TENM2: variants seen among roughly 807,000 people sequenced by gnomAD.
The protein encoded by TENM2 is teneurin transmembrane protein 2.
Under a neutral mutation model 245.2 loss-of-function variants are expected in TENM2, and 52 were observed. The observed-to-expected ratio is 0.21, with a 90% confidence interval of 0.17 to 0.27. TENM2 has a LOEUF of 0.27. Among genes scored for constraint, TENM2 ranks in the 10% least tolerant of loss-of-function variants. The pLI, the probability that TENM2 is intolerant of heterozygous loss-of-function variation, is 1.00. For synonymous variants in TENM2, 1,363 were observed against 1,438.9 expected, an observed-to-expected ratio of 0.95 and a Z score of 1.19; for missense variants, 3,046 against 3,666.8, an observed-to-expected ratio of 0.83 and a Z score of 4.37.
At chr5:167,085,570 C>T in the TENM2 span, among the ~76,000 whole-genome samples, 273 of 152,176 alleles carry the variant, frequency 1.8e-3, no homozygotes, top group African/African-American at 5.8e-3. Flanking sequence ...ATAGATGTTA[C>T]GGCTATTCCC....
At chr5:167,950,819 C>A (rs1780032127) in intron 3 of TENM2, among the ~76,000 whole-genome samples, 1 of 152,244 alleles carries the variant, frequency 6.6e-6, no homozygotes, top group Admixed American at 6.5e-5. Context: ...CCTGCTACAG[C>A]TATGAAACTC....
Position 167,849,342 on chromosome 5 carries a change from G to C in TENM2, c.503-26644G>C, listed in dbSNP as rs1246547961. ...ACTACCAGAGACAGGAAAAAAAATT[G>C]TTTTTCCCCACTCTCACACTTCTGA... On this transcript the variant is annotated intron_variant, in intron 2 of 28. Transcript: ENST00000518659. Among the ~76,000 whole-genome samples the C allele has an allele frequency of 3.3e-5, 5 of 152,106 alleles. No homozygotes were observed. In the East Asian group the frequency reaches 5.8e-4, roughly 18 times the overall value.
intron 2 of TENM2, among the ~76,000 whole-genome samples, chr5:167,709,867 G>A (rs1011060317): frequency 3.3e-5 from 5 of 152,178 alleles, no homozygotes; most frequent in Admixed American, 3.3e-4. Flanking sequence ...GAGAGAGAGG[G>A]GGAGAGAGGA....
chr5:167,692,512 A>T (rs993963374), intron 2 of TENM2, among the ~76,000 whole-genome samples: 3 of 152,204 alleles, frequency 2.0e-5, no homozygotes, highest in Non-Finnish European at 2.9e-5. Context: ...CTCCCACAGG[A>T]AATGTTACTG....
At chr5:167,605,114 G>T (rs948000585) in intron 2 of TENM2, among the ~76,000 whole-genome samples, 1 of 152,076 alleles carries the variant, frequency 6.6e-6, no homozygotes, top group Non-Finnish European at 1.5e-5. Context: ...GCCACATCAC[G>T]CATATGCTCC....
At chr5:167,033,647 CT>C in the TENM2 span, among the ~76,000 whole-genome samples, 2 of 152,112 alleles carry the variant, frequency 1.3e-5, no homozygotes, top group African/African-American at 4.8e-5. Context: ...CGCTTCCCAT[CT>C]TTTATATGAA....
intron 6 of TENM2, among the ~76,000 whole-genome samples, chr5:168,052,960 C>T (rs1405529926): frequency 1.3e-5 from 2 of 152,186 alleles, no homozygotes; most frequent in South Asian, 2.1e-4. Flanking sequence ...TGGCTTAATG[C>T]GTGGTACTAG....
chr5:167,105,868 A>AGT, the TENM2 span, among the ~76,000 whole-genome samples: 2 of 121,046 alleles, frequency 1.7e-5, no homozygotes, highest in African/African-American at 6.2e-5. Flanking sequence ...AGCCTGGGCG[A>AGT]CAGAGCGAGA....
At chr5:167,306,965 T>C (rs76999613) in intron 1 of TENM2, among the ~76,000 whole-genome samples, 145 of 152,318 alleles carry the variant, frequency 9.5e-4, no homozygotes, top group African/African-American at 3.4e-3. Flanking sequence ...AGGTAACTTG[T>C]ATGAAAGGGC....
intron 2 of TENM2, among the ~76,000 whole-genome samples, chr5:167,820,854 T>C (rs1308174968): frequency 1.3e-5 from 2 of 152,096 alleles, no homozygotes; most frequent in African/African-American, 4.8e-5. Context: ...AAGTGTGCAT[T>C]GGGAGAGGGA....
chr5:168,253,430 T>TA (rs1439095696), intron 27 of TENM2, among the ~76,000 whole-genome samples: 1 of 116,076 alleles, frequency 8.6e-6, no homozygotes, highest in Non-Finnish European at 1.9e-5. Context: ...CATTATTTTA[T>TA]TTTTTTTTTT....
rs554075969 is a variant in TENM2, at chr5:167,969,210, C to T, written c.947+16388C>T. ...TGAATTGTAGCTCCAACAATTCCCA[C>T]GTGTTGTGGTAGGGACCTGCTGGTG... On this transcript the variant is annotated intron_variant, in intron 4 of 28. Coordinates refer to ENST00000518659, the Ensembl canonical transcript of TENM2. 5.3e-5 allele frequency among the ~76,000 whole-genome samples: 8 copies of T among 152,266 alleles called. No individual in the cohort carries two copies. The South Asian group carries it at 1.5e-3, about 28-fold the overall frequency.
At chr5:167,741,703 G>A (rs903648399) in intron 2 of TENM2, among the ~76,000 whole-genome samples, 7 of 152,058 alleles carry the variant, frequency 4.6e-5, no homozygotes, top group Admixed American at 4.6e-4. Context: ...CTTCTCACTT[G>A]CCTTGTTAAC....
At chr5:168,115,399 A>AGGAG in intron 9 of TENM2, among the ~76,000 whole-genome samples, 1 of 112,008 alleles carries the variant, frequency 8.9e-6, no homozygotes, top group East Asian at 3.0e-4. Flanking sequence ...GAAGGAAGGA[A>AGGAG]GGAAGGAAGG....
chr5:167,463,278 T>C (rs1270472215), intron 2 of TENM2, among the ~76,000 whole-genome samples: 2 of 152,092 alleles, frequency 1.3e-5, no homozygotes, highest in East Asian at 3.9e-4. Context: ...TAGTCTAATG[T>C]CATAAAGATG....
chr5:167,605,355 G>A (rs1776955338), intron 2 of TENM2, among the ~76,000 whole-genome samples: 1 of 152,094 alleles, frequency 6.6e-6, no homozygotes, highest in South Asian at 2.1e-4. Context: ...TACATGCATG[G>A]TATAAGGATA....
intron 2 of TENM2, 63 bp from the exon 5 acceptor site, chr5:167,875,923 C>A: frequency 3.8e-6 from 4 of 1,054,090 alleles, no homozygotes; most frequent in Non-Finnish European, 4.2e-6. Flanking sequence ...TTCAATGTAA[C>A]TTTCTTGGGG....
At chr5:167,826,905 A>G (rs1687278871) in intron 2 of TENM2, among the ~76,000 whole-genome samples, 1 of 152,226 alleles carries the variant, frequency 6.6e-6, no homozygotes. Context: ...GCAGCATTTC[A>G]TTTTCATCCA....
At chr5:167,694,830 T>G (rs909394348) in intron 2 of TENM2, among the ~76,000 whole-genome samples, 1 of 152,206 alleles carries the variant, frequency 6.6e-6, no homozygotes, top group South Asian at 2.1e-4. Flanking sequence ...GGGATTTTAA[T>G]GTTTACATGC....
Sources: allele counts gnomAD v4.1 joint callset (sites outside exome capture counted in the v4.1 genomes callset), GRCh38; gene constraint gnomAD v4.1.1; transcripts MANE v1.5; gene names NCBI Gene and HGNC (gene_info 2026-07-23, HGNC 2026-07-21).